The following TLN1 variants were observed in gnomAD, a reference collection of about 807,000 sequenced individuals.
TLN1 encodes the protein talin 1.
Under a neutral mutation model 292.3 loss-of-function variants are expected in TLN1, and 56 were observed. That is an observed-to-expected ratio of 0.19 (90% CI 0.15 to 0.24). The LOEUF (loss-of-function observed/expected upper bound fraction) is 0.24. Ranked by LOEUF, TLN1 falls within the 10% of genes least tolerant of loss-of-function variation. The pLI is 1.00. For missense variants in TLN1, 2,433 were observed against 3,248.2 expected, an observed-to-expected ratio of 0.75 and a Z score of 6.10; for synonymous variants, 1,119 against 1,253.7, an observed-to-expected ratio of 0.89 and a Z score of 2.27.
chr9:35,705,439 G>A, intron 43 of TLN1, 112 bp downstream of exon 43: 3 of 1,148,282 alleles, frequency 2.6e-6, no homozygotes, highest in Non-Finnish European at 2.5e-6. Context: ...GTGGCCCTGA[G>A]GCTGTTCCCC....
chr9:35,704,094 T>C lies in TLN1; in HGVS notation c.6128A>G (p.Lys2043Arg). The change falls in exon 46 of 57, where the codon AAG (lysine) becomes AGG (arginine). Residue 2043 changes from lysine (K) to arginine (R), a missense_variant. By Grantham distance (26) the Lys-to-Arg change is conservative. Around this residue, in one of 7 missense-constraint regions of TLN1, gnomAD observed 1,384 missense variants for 1,699.6 expected, o/e 0.81. Coordinates refer to ENST00000314888, the MANE Select transcript of TLN1 (RefSeq NM_006289.4). The surrounding 1 kb of genome is among the most constrained non-coding windows in gnomAD (Gnocchi z 6.9). ...LVQNAAGSQE[K>R]LAQAAQSSVA... Reference sequence around the variant, plus strand: ...GGAGGACTGGGCAGCCTGCGCCAACTTCTCCTGGCTCCCAGCTGCGTTTTG... The same window carrying C: ...GGAGGACTGGGCAGCCTGCGCCAACCTCTCCTGGCTCCCAGCTGCGTTTTG... The C allele has an allele frequency of 6.2e-7, 1 of 1,613,680 alleles. No individual in the cohort carries two copies. Among genetic ancestry groups the C allele is most frequent in the African/African-American group, 1.3e-5 (1 of 75,032 alleles).
chr9:35,709,881 G>A (rs1318584806), intron 33 of TLN1, among the ~76,000 whole-genome samples: 2 of 72,008 alleles, frequency 2.8e-5, no homozygotes, highest in Non-Finnish European at 5.1e-5. Context: ...AGCGAAACTC[G>A]GTCTCAAAAA....
In TLN1 at chr9:35,706,982, A is replaced by G; in HGVS notation, c.4956-82T>C. 1 of 1,608,340 alleles carries G rather than the reference A, an allele frequency of 6.2e-7. No homozygotes were observed. The highest frequency in any genetic ancestry group is 8.5e-7 in the Non-Finnish European group (1 of 1,177,978). ...TATCCTTCCCCTGTATCCTCCCAAC[A>G]CCATCCCATCTCATTGCACTCAAGT... On this transcript the variant is annotated intron_variant, in intron 37 of 56. Transcript: ENST00000314888. The surrounding 1 kb of genome is among the most constrained non-coding windows in gnomAD (Gnocchi z 4.2).
rs1825734763 is a variant in TLN1, at chr9:35,714,162, T to C, written c.3120+77A>G. On this transcript the variant is annotated intron_variant, in intron 24 of 56. Transcript: ENST00000314888. This position sits in a 1 kb window ranked among gnomAD's most constrained non-coding sequence, Gnocchi z 4.6. ...CTCTGATTACACAATTATCTGCGTATTGGGTTATTCTGCACAGATTTCCTC... is the reference window on the plus strand; with the variant it reads ...CTCTGATTACACAATTATCTGCGTACTGGGTTATTCTGCACAGATTTCCTC... 6.2e-7 allele frequency: 1 copy of C among 1,602,262 alleles called. No homozygotes were observed. The highest frequency in any genetic ancestry group is 8.5e-7 in the Non-Finnish European group (1 of 1,171,246).
At position 35,714,078 on chromosome 9, in the gene TLN1, G is replaced by C; in HGVS notation, c.3124C>G (p.Gln1042Glu). Residue 1042 changes from glutamine to glutamate, a missense_variant, in exon 25 of 57, where the codon CAG becomes GAG. Gln to Glu is a conservative substitution (Grantham distance 29, BLOSUM62 2). Around this residue, in one of 7 missense-constraint regions of TLN1, gnomAD observed 1,384 missense variants for 1,699.6 expected, o/e 0.81. Coordinates refer to ENST00000314888, the MANE Select transcript of TLN1 (RefSeq NM_006289.4). The surrounding 1 kb of genome is among the most constrained non-coding windows in gnomAD (Gnocchi z 4.6). ...AELRTAAQKA[Q>E]EACGPLEMDS... ...ATCTCCAAAGGTCCACATGCTTCCT[G>C]AGCCTATGATAAGAAAGGGGTTTTG... 1 of 1,614,106 alleles carries C rather than the reference G, an allele frequency of 6.2e-7. No homozygotes were observed. Among genetic ancestry groups the C allele is most frequent in the Non-Finnish European group, 8.5e-7 (1 of 1,179,944 alleles).
At position 35,719,714 on chromosome 9, in the gene TLN1, C is replaced by T. The variant is rs368488719; in HGVS notation, c.1578+26G>A. Reference sequence around the variant, plus strand: ...CTTGGAGTCTCAGCTTCAGTACCACCGGCCTCTCCTCCATCCCATACTTAC... The same window carrying T: ...CTTGGAGTCTCAGCTTCAGTACCACTGGCCTCTCCTCCATCCCATACTTAC... On this transcript the variant is annotated intron_variant, in intron 14 of 56. Transcript: ENST00000314888. The surrounding 1 kb of genome is among the most constrained non-coding windows in gnomAD (Gnocchi z 4.6). 108 of 1,609,366 alleles carry T rather than the reference C, an allele frequency of 6.7e-5. 1 individual carries two copies. Among genetic ancestry groups the T allele is most frequent in the African/African-American group, 5.3e-4 (40 of 74,810 alleles).
Position 35,699,861 on chromosome 9 carries a change from G to C in TLN1, c.6768+113C>G, listed in dbSNP as rs564433324. 2.5e-5 allele frequency: 30 copies of C among 1,177,882 alleles called. No homozygotes were observed. The highest frequency in any genetic ancestry group is 3.2e-5 in the Non-Finnish European group (27 of 849,802). The allele number at this position is 1,177,882 out of a possible 1,614,324, so 73.0% of individuals were successfully genotyped here. Reference sequence around the variant, plus strand: ...AGGAGAACAGATTTGGGAAGTAGAGGGTGGGGTAGGGAGGAGATCTGAGCA... The same window carrying C: ...AGGAGAACAGATTTGGGAAGTAGAGCGTGGGGTAGGGAGGAGATCTGAGCA... On this transcript the variant is annotated intron_variant, in intron 50 of 56. Coordinates refer to ENST00000314888, the MANE Select transcript of TLN1 (RefSeq NM_006289.4). The surrounding 1 kb of genome is among the most constrained non-coding windows in gnomAD (Gnocchi z 4.0).
At position 35,703,759 on chromosome 9, in the gene TLN1, T is replaced by C; in HGVS notation, c.6357+16A>G. 1 of 1,614,184 alleles carries C rather than the reference T, an allele frequency of 6.2e-7. No individual in the cohort carries two copies. Among genetic ancestry groups the C allele is most frequent in the Non-Finnish European group, 8.5e-7 (1 of 1,180,048 alleles). ...AATCCAGTGCCCCTCCTGATGTTGC[T>C]CTCATTCTCTCCAACCTTGGCAGAG... On this transcript the variant is annotated intron_variant, in intron 47 of 56. Coordinates refer to ENST00000314888, the MANE Select transcript of TLN1 (RefSeq NM_006289.4).
chr9:35,722,088 A>C (rs1443181215), intron 9 of TLN1, 31 bp downstream of exon 9: 4 of 1,582,464 alleles, frequency 2.5e-6, no homozygotes, highest in Non-Finnish European at 3.5e-6. Context: ...GTGGGAAACA[A>C]GGAGGGCAGT....
At position 35,717,399 on chromosome 9, in the gene TLN1, T is replaced by G; in HGVS notation, c.2205A>C (p.Gln735His). 2 of 1,614,102 alleles carry G rather than the reference T, an allele frequency of 1.2e-6. No individual in the cohort carries two copies. The highest frequency in any genetic ancestry group is 1.7e-6 in the Non-Finnish European group (2 of 1,179,968). ...PTISSPVCQE[Q>H]LVEAGRLVAK... ...CTACCAGTCGTCCAGCCTCCACCAG[T>G]TGCTCTTGGCAGACAGGTGAGCTGA... is the stretch of plus-strand genomic sequence containing the variant. Residue 735 changes from glutamine to histidine, a missense_variant, in exon 19 of 57, where the codon CAA becomes CAC. Transcript: ENST00000314888. This position sits in a 1 kb window ranked among gnomAD's most constrained non-coding sequence, Gnocchi z 4.7.
intron 8 of TLN1, 22 bp downstream of exon 8, chr9:35,722,839 A>C: frequency 6.2e-7 from 1 of 1,612,960 alleles, no homozygotes; most frequent in Non-Finnish European, 8.5e-7. Flanking sequence ...CATCCCAAAT[A>C]CTTTCCCCTA....
chr9:35,718,190 C>T (rs1179469612), intron 17 of TLN1, among the ~76,000 whole-genome samples: 2 of 152,198 alleles, frequency 1.3e-5, no homozygotes, highest in Non-Finnish European at 2.9e-5. Flanking sequence ...GGGAGCAAGT[C>T]CCTGTACTAC....
rs1825527898 is a variant in TLN1, at chr9:35,704,522, G to C, written c.5881-24C>G. 1.9e-6 allele frequency: 3 copies of C among 1,592,348 alleles called. No individual in the cohort carries two copies. In the Admixed American group the frequency reaches 5.1e-5, roughly 27 times the overall value. On this transcript the variant is annotated intron_variant, in intron 44 of 56. Transcript: ENST00000314888. This position sits in a 1 kb window ranked among gnomAD's most constrained non-coding sequence, Gnocchi z 6.9. Reference sequence around the variant, plus strand: ...ACCTGGGTAGGGAATGTCACATGGTGACTGTGGAAGGTGCCATGTGAAATG... The same window carrying C: ...ACCTGGGTAGGGAATGTCACATGGTCACTGTGGAAGGTGCCATGTGAAATG...
At position 35,700,385 on chromosome 9, in the gene TLN1, G is replaced by A; in HGVS notation, c.6475-9C>T. On this transcript the variant is annotated splice_polypyrimidine_tract_variant and intron_variant, in intron 48 of 56. Coordinates refer to ENST00000314888, the MANE Select transcript of TLN1 (RefSeq NM_006289.4). Reference sequence around the variant, plus strand: ...TCTGGGGAACAGAAAACCTGTGGGGGCAGAAGAAGAAGAAAGATTTTACAG... The same window carrying A: ...TCTGGGGAACAGAAAACCTGTGGGGACAGAAGAAGAAGAAAGATTTTACAG... 2 of 1,591,090 alleles carry A rather than the reference G, an allele frequency of 1.3e-6. No homozygotes were observed. The highest frequency in any genetic ancestry group is 1.7e-6 in the Non-Finnish European group (2 of 1,162,376).
chr9:35,726,994 T>G (rs1825989334), intron 1 of TLN1, among the ~76,000 whole-genome samples: 1 of 152,228 alleles, frequency 6.6e-6, no homozygotes, highest in Non-Finnish European at 1.5e-5. Context: ...TTCCCCTGAC[T>G]GTATTTTCAG....
At position 35,698,197 on chromosome 9, in the gene TLN1, G is replaced by A. The variant is rs752135228; in HGVS notation, c.7372-25C>T. 1.2e-6 allele frequency: 2 copies of A among 1,613,634 alleles called. No homozygotes were observed. Among genetic ancestry groups the A allele is most frequent in the Non-Finnish European group, 1.7e-6 (2 of 1,179,822 alleles). On this transcript the variant is annotated intron_variant, in intron 55 of 56. Coordinates refer to ENST00000314888, the MANE Select transcript of TLN1 (RefSeq NM_006289.4). This position sits in a 1 kb window ranked among gnomAD's most constrained non-coding sequence, Gnocchi z 5.3. ...CCTGGGCAGAGAGAAAGTGGCCTAG[G>A]TTGAGAACTCAGGTACGGTCCCAGT...
Position 35,717,791 on chromosome 9 carries a change from G to C in TLN1, c.1996-5C>G. ...GGCGAGCTGCATTAGCGCATCCTGT[G>C]AGAAAACAGCAGTTAGCATGACCTG... On this transcript the variant is annotated splice_polypyrimidine_tract_variant and splice_region_variant and intron_variant, in intron 17 of 56. Transcript: ENST00000314888. This position sits in a 1 kb window ranked among gnomAD's most constrained non-coding sequence, Gnocchi z 4.7. The C allele has an allele frequency of 6.3e-7, 1 of 1,592,382 alleles. No individual in the cohort carries two copies. The highest frequency in any genetic ancestry group is 8.6e-7 in the Non-Finnish European group (1 of 1,163,598).
intron 1 of TLN1, among the ~76,000 whole-genome samples, chr9:35,729,982 A>AT: frequency 1.3e-5 from 2 of 152,164 alleles, no homozygotes; most frequent in Non-Finnish European, 2.9e-5. Context: ...ATGAGAAGAC[A>AT]GGGTGTAGAA....
chr9:35,705,557 A>G lies in TLN1; in HGVS notation c.5727T>C (p.Asn1909=), dbSNP rs1825549127. The change falls in exon 43 of 57, where the codon AAT becomes AAC. Residue 1909 remains asparagine, a synonymous_variant. Coordinates refer to ENST00000314888, the MANE Select transcript of TLN1 (RefSeq NM_006289.4). ...GAGTTGCCTCCACGTTTACCTCTTC[A>G]TTTTCAGCAGCCACCGCTGCAGGCT... The part of the protein sequence containing the change: ...EAKPAAVAAE[N]EEIGSHIKHR... The G allele has an allele frequency of 2.5e-6, 4 of 1,585,610 alleles. No homozygotes were observed. The Middle Eastern group carries it at 6.8e-4, about 268-fold the overall frequency.
Sources: allele counts gnomAD v4.1 joint callset (sites outside exome capture counted in the v4.1 genomes callset), GRCh38; gene constraint gnomAD v4.1.1; regional missense constraint gnomAD v4.1.1; non-coding constraint Gnocchi (gnomAD v3.1); transcripts MANE v1.5; gene names NCBI Gene and HGNC (gene_info 2026-07-23, HGNC 2026-07-21).